LHFPL2: variants seen among roughly 807,000 people sequenced by gnomAD.
LHFPL2 encodes LHFPL tetraspan subfamily member 2 protein.
LHFPL2 carries 7 observed loss-of-function variants against 17.5 expected under a neutral mutation model. That is an observed-to-expected ratio of 0.40 (90% CI 0.23 to 0.75). The LOEUF is 0.75. LHFPL2 is among the 30% of genes least tolerant of loss of function. LHFPL2 has a pLI of 0.37. For synonymous variants in LHFPL2, 134 were observed against 116.2 expected (o/e 1.15, Z -0.99); for missense variants, 241 against 294.8 (o/e 0.82, Z 1.34).
intron 3 of LHFPL2, among the ~76,000 whole-genome samples, chr5:78,521,973 C>A (rs1371211673): frequency 6.6e-6 from 1 of 152,158 alleles, no homozygotes; most frequent in Admixed American, 6.5e-5. Flanking sequence ...AAACCAAGGG[C>A]CCAGGCTCTT....
intron 2 of LHFPL2, chr5:78,624,989 G>A (rs79597372): frequency 0.059 from 8,949 of 152,108 alleles, 375 homozygotes; most frequent in Non-Finnish European, 0.094. Flanking sequence ...TTTTAGTAGA[G>A]ATGGGGTTTC....
intron 2 of LHFPL2, chr5:78,626,468 C>G (rs1354350735): frequency 6.6e-6 from 1 of 152,180 alleles, no homozygotes; most frequent in Non-Finnish European, 1.5e-5. Flanking sequence ...TACGGAGAAG[C>G]CTTAAGCGAT....
At chr5:78,495,166 A>G (rs1754566069) in intron 4 of LHFPL2, among the ~76,000 whole-genome samples, 3 of 152,208 alleles carry the variant, frequency 2.0e-5, no homozygotes, top group African/African-American at 4.8e-5. Context: ...GAAGGTGACC[A>G]TGTCAGTCTC....
chr5:78,645,601 G>T (rs1331682434), intron 1 of LHFPL2, among the ~76,000 whole-genome samples: 2 of 148,320 alleles, frequency 1.3e-5, no homozygotes, highest in Non-Finnish European at 3.0e-5. Context: ...CATTTTTTTT[G>T]AGATAGCGTC....
At chr5:78,561,633 T>G (rs1756730216) in intron 3 of LHFPL2, among the ~76,000 whole-genome samples, 1 of 152,372 alleles carries the variant, frequency 6.6e-6, no homozygotes, top group East Asian at 1.9e-4. Flanking sequence ...AAACTGTGGA[T>G]ATTTTTTCAT....
intron 3 of LHFPL2, among the ~76,000 whole-genome samples, chr5:78,555,971 C>T (rs1054902719): frequency 6.6e-6 from 1 of 152,128 alleles, no homozygotes; most frequent in Non-Finnish European, 1.5e-5. Flanking sequence ...AGAAGTTATA[C>T]CCTGTCTGCC....
intron 3 of LHFPL2, among the ~76,000 whole-genome samples, chr5:78,539,377 G>A (rs1040674784): frequency 6.6e-6 from 1 of 152,180 alleles, no homozygotes; most frequent in Non-Finnish European, 1.5e-5. Context: ...TTAAGTGAAC[G>A]AAGTGAACCC....
intron 1 of LHFPL2, among the ~76,000 whole-genome samples, chr5:78,639,289 C>T (rs1487011164): frequency 6.6e-6 from 1 of 152,206 alleles, no homozygotes; most frequent in Non-Finnish European, 1.5e-5. Context: ...AGTTCCCTCT[C>T]ATGCTGCCCT....
At chr5:78,611,442 T>A (rs1455001350) in intron 2 of LHFPL2, among the ~76,000 whole-genome samples, 2 of 152,188 alleles carry the variant, frequency 1.3e-5, no homozygotes, top group Non-Finnish European at 2.9e-5. Flanking sequence ...TGCTCAGTAA[T>A]TCACATTCCA....
intron 2 of LHFPL2, among the ~76,000 whole-genome samples, chr5:78,613,391 G>A (rs1451157576): frequency 1.3e-5 from 2 of 152,156 alleles, no homozygotes; most frequent in African/African-American, 2.4e-5. Context: ...TGTATGGTGA[G>A]AAAAGGATTC....
rs1163195083 is a variant in LHFPL2, at chr5:78,584,995, GTTTTTTTTTT to G, written c.-244-20134_-244-20125del. On this transcript the variant is annotated intron_variant, in intron 2 of 4. Transcript: ENST00000380345. ...GGGATATAATCTCCTGGTGCGCTGTGTTTTTTTTTTTTTTTTTTTTTTTTTTTTTGAGACG... is the reference window on the plus strand; with the variant it reads ...GGGATATAATCTCCTGGTGCGCTGTGTTTTTTTTTTTTTTTTTTTGAGACG... Among the ~76,000 whole-genome samples the G allele has an allele frequency of 1.2e-4, 5 of 40,504 alleles. 1 individual carries two copies. Among genetic ancestry groups the G allele is most frequent in the Admixed American group, 4.9e-4 (2 of 4,054 alleles). The allele number at this position is 40,504 out of a possible 152,430, so 26.6% of individuals were successfully genotyped here. A position where few individuals can be genotyped will look rare whatever the true frequency, so the allele number is the denominator to read the frequency against.
At chr5:78,504,924 T>C (rs1160278877) in intron 4 of LHFPL2, among the ~76,000 whole-genome samples, 2 of 151,590 alleles carry the variant, frequency 1.3e-5, no homozygotes, top group East Asian at 1.9e-4. Flanking sequence ...CTGGAGGGAG[T>C]AGAGTGTGAG....
At chr5:78,537,854 T>A (rs78287841) in intron 3 of LHFPL2, among the ~76,000 whole-genome samples, 1 of 152,114 alleles carries the variant, frequency 6.6e-6, no homozygotes, top group Non-Finnish European at 1.5e-5. Context: ...TAAAAGGATA[T>A]AAAATGCGAA....
intron 3 of LHFPL2, among the ~76,000 whole-genome samples, chr5:78,563,525 G>T (rs529864559): frequency 6.6e-6 from 1 of 151,642 alleles, no homozygotes; most frequent in African/African-American, 2.4e-5. Context: ...GTGAAACCCC[G>T]TCTCTACTAA....
At chr5:78,524,987 T>C (rs1194819817) in intron 3 of LHFPL2, among the ~76,000 whole-genome samples, 1 of 152,160 alleles carries the variant, frequency 6.6e-6, no homozygotes, top group Non-Finnish European at 1.5e-5. Context: ...TATAACAGGG[T>C]TTCTCAACTT....
chr5:78,492,309 T>G (rs182352749), intron 4 of LHFPL2, among the ~76,000 whole-genome samples: 137 of 152,352 alleles, frequency 9.0e-4, no homozygotes, highest in African/African-American at 3.1e-3. Context: ...TAACTGCACA[T>G]TGCACTTGTA....
At chr5:78,540,194 G>A (rs1248101624) in intron 3 of LHFPL2, among the ~76,000 whole-genome samples, 1 of 152,202 alleles carries the variant, frequency 6.6e-6, no homozygotes, top group South Asian at 2.1e-4. Context: ...TGTACGCTAA[G>A]AGACATGTTT....
In LHFPL2 at chr5:78,486,369, G is replaced by T. The variant is rs377479721; in HGVS notation, c.*2528C>A. 7.2e-5 allele frequency: 11 copies of T among 152,242 alleles called. No individual in the cohort carries two copies. The highest frequency in any genetic ancestry group is 2.6e-4 in the African/African-American group (11 of 41,532). The allele number at this position is 152,242 out of a possible 1,614,324, so 9.4% of individuals were successfully genotyped here. ...AGGCAAAATAAATAAGACTTTCCTGGTAGTAATAATGGTCCTATTTATTAG... is the reference window on the plus strand; with the variant it reads ...AGGCAAAATAAATAAGACTTTCCTGTTAGTAATAATGGTCCTATTTATTAG... On this transcript the variant is annotated 3_prime_UTR_variant, in exon 5 of 5. Transcript: ENST00000380345.
At chr5:78,606,980 T>TC (rs1172098525) in intron 2 of LHFPL2, among the ~76,000 whole-genome samples, 7 of 151,506 alleles carry the variant, frequency 4.6e-5, no homozygotes, top group African/African-American at 1.7e-4. Context: ...AGGCAAGCCA[T>TC]CCCCCCTTGC....
Sources: allele counts gnomAD v4.1 joint callset (sites outside exome capture counted in the v4.1 genomes callset), GRCh38; gene constraint gnomAD v4.1.1; transcripts MANE v1.5; gene names NCBI Gene and HGNC (gene_info 2026-07-23, HGNC 2026-07-21).